The following ABR variants were observed in gnomAD, a reference collection of about 807,000 sequenced individuals.
ABR encodes active breakpoint cluster region-related protein.
In ABR, 35 loss-of-function variants were observed where a neutral mutation model predicts 107.2. That is an observed-to-expected ratio of 0.33 (90% CI 0.25 to 0.43). The LOEUF (loss-of-function observed/expected upper bound fraction) is 0.43, where lower values mean the gene tolerates loss of function less well. Among genes scored for constraint, ABR ranks in the 20% least tolerant of loss-of-function variants. The pLI is 1.00. For missense variants in ABR, 815 were observed against 1,115.2 expected, an observed-to-expected ratio of 0.73 and a Z score of 3.83; for synonymous variants, 498 against 462.0, an observed-to-expected ratio of 1.08 and a Z score of -1.00.
intron 1 of ABR, among the ~76,000 whole-genome samples, chr17:1,219,432 C>T (rs1386768219): frequency 6.6e-6 from 1 of 151,502 alleles, no homozygotes; most frequent in Non-Finnish European, 1.5e-5. Flanking sequence ...CAGCAATGAA[C>T]CATCCTGTAA....
intron 1 of ABR, among the ~76,000 whole-genome samples, chr17:1,173,354 AACACATCACCTCAGCCCACCCCCC>A (rs994491795): frequency 3.8e-5 from 4 of 105,690 alleles, no homozygotes; most frequent in African/African-American, 1.5e-4. Context: ...CAGTCCACTC[AACACATCACCTCAGCCCACCCCCC>A]ACACATCACC....
rs1308027731 is a variant in ABR, at chr17:1,051,645, G to A, written c.1562-1011C>T. On this transcript the variant is annotated intron_variant, in intron 14 of 22. Coordinates refer to ENST00000302538, the MANE Select transcript of ABR (RefSeq NM_021962.5). The surrounding 1 kb of genome is among the most constrained non-coding windows in gnomAD (Gnocchi z 4.3). ...TCCCAGGGTACCAGAGGTGGTGTGG[G>A]AGGTGCCTTTGGGACACTATGGCCA... Among the ~76,000 whole-genome samples, 1 of 152,216 alleles carries A rather than the reference G, an allele frequency of 6.6e-6. No individual in the cohort carries two copies. The highest frequency in any genetic ancestry group is 1.5e-5 in the Non-Finnish European group (1 of 68,044).
chr17:1,056,047 T>C lies in ABR; in HGVS notation c.1549A>G (p.Lys517Glu). Residue 517 changes from lysine to glutamate, a missense_variant, in exon 14 of 23, where the codon AAG becomes GAG. This residue lies in a region of ABR where 385 missense variants were observed against 596.9 expected (regional missense o/e 0.64). Transcript: ENST00000302538. The part of the protein sequence containing the change: ...HVIVHSAKGF[K>E]QSANLYCTLE... The stretch of plus-strand genomic sequence containing the variant: ...CCAGGGCACTTACTGGCTGATTGCT[T>C]AAATCCCTTGGCAGAGTGGACGATG... 6.2e-7 allele frequency: 1 copy of C among 1,614,144 alleles called. No individual in the cohort carries two copies. The highest frequency in any genetic ancestry group is 1.1e-5 in the South Asian group (1 of 91,086).
chr17:1,087,645 G>A (rs977657297), intron 4 of ABR, among the ~76,000 whole-genome samples: 9 of 151,972 alleles, frequency 5.9e-5, no homozygotes, highest in East Asian at 3.9e-4. Flanking sequence ...ACTGAGGCCC[G>A]GCCCATCAAT....
intron 4 of ABR, among the ~76,000 whole-genome samples, chr17:1,086,590 T>C (rs1197075673): frequency 6.6e-6 from 1 of 151,258 alleles, no homozygotes; most frequent in Non-Finnish European, 1.5e-5. Flanking sequence ...AAACTCCGCC[T>C]CCTGGGTTCA....
intron 4 of ABR, among the ~76,000 whole-genome samples, chr17:1,085,621 A>G (rs2036546453): frequency 6.6e-6 from 1 of 152,176 alleles, no homozygotes; most frequent in Non-Finnish European, 1.5e-5. Context: ...TGCAGTCGCC[A>G]CCAGCTACCT....
At chr17:1,094,158 G>C (rs1011678656) in intron 3 of ABR, among the ~76,000 whole-genome samples, 4 of 152,158 alleles carry the variant, frequency 2.6e-5, no homozygotes, top group African/African-American at 9.7e-5. Context: ...CGGCCCCTCG[G>C]TGTCTGGTCC....
intron 1 of ABR, among the ~76,000 whole-genome samples, chr17:1,223,524 G>C (rs757872099): frequency 6.6e-6 from 1 of 152,136 alleles, no homozygotes; most frequent in Non-Finnish European, 1.5e-5. Context: ...TTATAAGCTG[G>C]GTGACCATGG....
At chr17:1,073,563 C>G in intron 7 of ABR, 62 bp downstream of exon 7, 1 of 1,347,544 alleles carries the variant, frequency 7.4e-7, no homozygotes, top group Non-Finnish European at 1.0e-6. Flanking sequence ...CCCTCTCACC[C>G]AGGCTCAGTC....
chr17:1,149,898 C>A (rs1273525865), intron 1 of ABR, among the ~76,000 whole-genome samples: 1 of 152,214 alleles, frequency 6.6e-6, no homozygotes, highest in Non-Finnish European at 1.5e-5. Context: ...GCTTTAGTGT[C>A]CTCATTTGTC....
chr17:1,138,250 G>A (rs2040161330), intron 1 of ABR, among the ~76,000 whole-genome samples: 1 of 151,988 alleles, frequency 6.6e-6, no homozygotes, highest in Non-Finnish European at 1.5e-5. Flanking sequence ...AAGAACAGGC[G>A]AAACAAATGG....
chr17:1,211,879 G>C (rs147614821), intron 1 of ABR, among the ~76,000 whole-genome samples: 126 of 152,190 alleles, frequency 8.3e-4, no homozygotes, highest in African/African-American at 2.9e-3. Context: ...TCGGGAGTTT[G>C]AGACCAGCCT....
Position 1,050,598 on chromosome 17 carries a change from T to G in ABR, c.1598A>C (p.Tyr533Ser). The change falls in exon 15 of 23, where the codon TAT becomes TCT. Residue 533 changes from tyrosine (Y) to serine (S), a missense_variant. By Grantham distance (144) the Tyr-to-Ser change is moderately radical (BLOSUM62 -2). Transcript: ENST00000302538. The surrounding 1 kb of genome is among the most constrained non-coding windows in gnomAD (Gnocchi z 4.6). The stretch of plus-strand genomic sequence containing the variant: ...CCTGGTTTTGGCTTTGCTGACAAAA[T>G]AGCCGAAGGAATCCACCTCCAGGGT... ...YCTLEVDSFG[Y>S]FVSKAKTRVF... 1 of 1,613,812 alleles carries G rather than the reference T, an allele frequency of 6.2e-7. No individual in the cohort carries two copies. Among genetic ancestry groups the G allele is most frequent in the Non-Finnish European group, 8.5e-7 (1 of 1,179,936 alleles).
At chr17:1,034,765 A>C (rs2073042367) in intron 16 of ABR, among the ~76,000 whole-genome samples, 1 of 152,088 alleles carries the variant, frequency 6.6e-6, no homozygotes, top group Admixed American at 6.5e-5. Flanking sequence ...TTAACTTCAG[A>C]ATCGGCCCCT....
chr17:1,097,020 C>T (rs1451339170), intron 3 of ABR, among the ~76,000 whole-genome samples: 13 of 152,108 alleles, frequency 8.5e-5, no homozygotes, highest in Admixed American at 8.5e-4. Context: ...GAACCTGCGC[C>T]AGGCATATCA....
chr17:1,099,503 T>G (rs1025434044), intron 3 of ABR, among the ~76,000 whole-genome samples: 3 of 152,184 alleles, frequency 2.0e-5, no homozygotes, highest in Non-Finnish European at 2.9e-5. Context: ...ATGTGCATCT[T>G]AGAATTCTTG....
intron 1 of ABR, among the ~76,000 whole-genome samples, chr17:1,214,868 T>TA (rs2042969428): frequency 6.6e-6 from 1 of 151,422 alleles, no homozygotes; most frequent in African/African-American, 2.4e-5. Flanking sequence ...TATCTCGGTG[T>TA]ATATAAGCTC....
chr17:1,055,869 C>A, intron 14 of ABR, 166 bp downstream of exon 14: 1 of 626,354 alleles, frequency 1.6e-6, no homozygotes. Context: ...AGAAAGAGGA[C>A]TTTGGAGACA....
At chr17:1,101,936 T>A (rs112204791) in intron 2 of ABR, among the ~76,000 whole-genome samples, 1 of 152,028 alleles carries the variant, frequency 6.6e-6, no homozygotes, top group South Asian at 2.1e-4. Context: ...GATTTCACCG[T>A]GTTAGCCAGG....
Sources: allele counts gnomAD v4.1 joint callset (sites outside exome capture counted in the v4.1 genomes callset), GRCh38; gene constraint gnomAD v4.1.1; regional missense constraint gnomAD v4.1.1; non-coding constraint Gnocchi (gnomAD v3.1); transcripts MANE v1.5; gene names NCBI Gene and HGNC (gene_info 2026-07-23, HGNC 2026-07-21).